FRMD4B: variants seen among roughly 807,000 people sequenced by gnomAD.
FRMD4B encodes FERM domain-containing protein 4B.
Under a neutral mutation model 141.5 loss-of-function variants are expected in FRMD4B, and 74 were observed. The observed-to-expected ratio is 0.52, with a 90% confidence interval of 0.43 to 0.63. The LOEUF (loss-of-function observed/expected upper bound fraction) is 0.63. FRMD4B is among the 30% of genes least tolerant of loss of function. FRMD4B has a pLI of 0.00. For synonymous variants in FRMD4B, 506 were observed against 467.9 expected (o/e 1.08, Z -1.05); for missense variants, 1,366 against 1,253.4 (o/e 1.09, Z -1.36).
intron 11 of FRMD4B, among the ~76,000 whole-genome samples, 187 bp downstream of exon 11, chr3:69,216,076 C>T (rs576102118): frequency 4.9e-4 from 74 of 152,216 alleles, no homozygotes; most frequent in African/African-American, 1.8e-3. Flanking sequence ...CTCGCTTGAA[C>T]CCAGGAGGTG....
At chr3:69,496,427 G>A (rs577896499) in intron 1 of FRMD4B, among the ~76,000 whole-genome samples, 53 of 152,194 alleles carry the variant, frequency 3.5e-4, no homozygotes, top group African/African-American at 8.7e-4. Context: ...AAAGATGGGC[G>A]AGTGACCCAA....
rs1415329594 is a variant in FRMD4B, at chr3:69,302,434, C to T, written c.325G>A (p.Gly109Ser). The T allele has an allele frequency of 1.3e-5, 20 of 1,571,430 alleles. No homozygotes were observed. Among genetic ancestry groups the T allele is most frequent in the Non-Finnish European group, 1.7e-5 (19 of 1,145,810 alleles). Reference sequence around the variant, plus strand: ...TCTAACTGCAGCCAGTTCTGCTGACCTCTGTGAGAGCAAAGCAAAGAAAAA... The same window carrying T: ...TCTAACTGCAGCCAGTTCTGCTGACTTCTGTGAGAGCAAAGCAAAGAAAAA... ...YFGITFIDDT[G>S]QQNWLQLDHR... The change falls in exon 4 of 23, where the codon GGT (glycine) becomes AGT (serine). Residue 109 changes from glycine (G) to serine (S), a missense_variant and splice_region_variant. Gly to Ser is a moderately conservative substitution (Grantham distance 56). Coordinates refer to ENST00000398540, the MANE Select transcript of FRMD4B (RefSeq NM_015123.3).
intron 1 of FRMD4B, among the ~76,000 whole-genome samples, chr3:69,360,249 T>C (rs1246232742): frequency 6.6e-6 from 1 of 152,220 alleles, no homozygotes; most frequent in African/African-American, 2.4e-5. Context: ...CTGGCTAATA[T>C]TGTTTCATTT....
chr3:69,402,318 C>T (rs1157679403), intron 2 of FRMD4B, among the ~76,000 whole-genome samples: 1 of 152,208 alleles, frequency 6.6e-6, no homozygotes, highest in Non-Finnish European at 1.5e-5. Flanking sequence ...GAAGCCAATA[C>T]AGAGAGCTGA....
At position 69,328,215 on chromosome 3, in the gene FRMD4B, A is replaced by G. The variant is rs563024134; in HGVS notation, c.163-14698T>C. On this transcript the variant is annotated intron_variant, in intron 1 of 22. Transcript: ENST00000398540. The stretch of plus-strand genomic sequence containing the variant: ...CTTACAATGAAATAAATCGCATTAA[A>G]AGCAAAGGTAATAAAACTCTTCACT... Among the ~76,000 whole-genome samples the G allele has an allele frequency of 3.9e-5, 6 of 152,302 alleles. No individual in the cohort carries two copies. In the East Asian group the frequency reaches 1.2e-3, roughly 29 times the overall value.
At chr3:69,520,206 A>AAT (rs751007748) in intron 1 of FRMD4B, among the ~76,000 whole-genome samples, 3 of 78,340 alleles carry the variant, frequency 3.8e-5, no homozygotes, top group Admixed American at 1.2e-4. Context: ...TATATGATGG[A>AAT]ATATATATAT....
chr3:69,193,596 C>T, intron 17 of FRMD4B, 52 bp downstream of exon 17: 2 of 952,578 alleles, frequency 2.1e-6, no homozygotes, highest in East Asian at 2.4e-5. Flanking sequence ...TGCTATATAC[C>T]ATGAAGTACT....
At chr3:69,242,994 C>CAAA (rs34623002) in intron 7 of FRMD4B, among the ~76,000 whole-genome samples, 10 of 111,692 alleles carry the variant, frequency 9.0e-5, no homozygotes, top group Non-Finnish European at 1.2e-4. Context: ...AACTCTGTCT[C>CAAA]AAAAAAAAAA....
Position 69,171,681 on chromosome 3 carries a change from T to C in FRMD4B, c.*180A>G. 1 of 613,496 alleles carries C rather than the reference T, an allele frequency of 1.6e-6. No homozygotes were observed. Among genetic ancestry groups the C allele is most frequent in the Non-Finnish European group, 2.9e-6 (1 of 349,986 alleles). The allele number at this position is 613,496 out of a possible 1,614,324, so 38.0% of individuals were successfully genotyped here. Reference sequence around the variant, plus strand: ...GAGTTTGAAAGGCCAAATCCTCCTTTAGGGGCTTTGTGGGGCTTGGTGTGT... The same window carrying C: ...GAGTTTGAAAGGCCAAATCCTCCTTCAGGGGCTTTGTGGGGCTTGGTGTGT... On this transcript the variant is annotated 3_prime_UTR_variant, in exon 23 of 23. Coordinates refer to ENST00000398540, the MANE Select transcript of FRMD4B (RefSeq NM_015123.3).
chr3:69,287,749 T>C lies in FRMD4B; in HGVS notation c.501+3A>G. The C allele has an allele frequency of 1.3e-6, 2 of 1,547,224 alleles. No individual in the cohort carries two copies. The highest frequency in any genetic ancestry group is 1.8e-6 in the Non-Finnish European group (2 of 1,120,642). On this transcript the variant is annotated splice_donor_region_variant and intron_variant, in intron 5 of 22. Transcript: ENST00000398540. ...CAGTGAACATGACAAACGGGGCACCTACCTTGTGCACACAGGCCTTTGCAT... is the reference window on the plus strand; with the variant it reads ...CAGTGAACATGACAAACGGGGCACCCACCTTGTGCACACAGGCCTTTGCAT...
chr3:69,187,941 G>A, intron 18 of FRMD4B, 24 bp from the exon 19 acceptor site: 2 of 1,377,398 alleles, frequency 1.5e-6, no homozygotes, highest in African/African-American at 1.5e-5. Context: ...ATGGGTGAAT[G>A]AAAAAATAAG....
intron 9 of FRMD4B, among the ~76,000 whole-genome samples, chr3:69,219,904 AG>A (rs2107740594): frequency 6.6e-6 from 1 of 152,316 alleles, no homozygotes; most frequent in South Asian, 2.1e-4. Context: ...TAGTTTGCTG[AG>A]GATAATGGCT....
At chr3:69,230,472 G>A (rs750692605) in intron 7 of FRMD4B, among the ~76,000 whole-genome samples, 2 of 152,020 alleles carry the variant, frequency 1.3e-5, no homozygotes, top group African/African-American at 2.4e-5. Context: ...AGGACCAGGC[G>A]TGGTGGCTCA....
In FRMD4B at chr3:69,302,351, A is replaced by G. The variant is rs1471138505; in HGVS notation, c.408T>C (p.Phe136=). Residue 136 remains phenylalanine, a synonymous_variant, in exon 4 of 23, where the codon TTT becomes TTC. Coordinates refer to ENST00000398540, the MANE Select transcript of FRMD4B (RefSeq NM_015123.3). ...GGTCTGTGGATACATACCTCACAGCAAAGTGCAAAATGGTTGGGCCTGGTT... is the reference window on the plus strand; with the variant it reads ...GGTCTGTGGATACATACCTCACAGCGAAGTGCAAAATGGTTGGGCCTGGTT... The part of the protein sequence containing the change: ...PKKPGPTILH[F]AVRFYIESIS... The G allele has an allele frequency of 6.3e-7, 1 of 1,590,250 alleles. No individual in the cohort carries two copies. Among genetic ancestry groups the G allele is most frequent in the Non-Finnish European group, 8.6e-7 (1 of 1,160,104 alleles).
chr3:69,370,626 AAC>A (rs1703798394), intron 1 of FRMD4B, among the ~76,000 whole-genome samples: 2 of 152,274 alleles, frequency 1.3e-5, no homozygotes, highest in Admixed American at 1.3e-4. Context: ...AATGTATTTC[AAC>A]ATACATGGCT....
chr3:69,351,572 A>G (rs1703151854), intron 1 of FRMD4B, among the ~76,000 whole-genome samples: 1 of 152,212 alleles, frequency 6.6e-6, no homozygotes, highest in African/African-American at 2.4e-5. Context: ...GCAGAATCTC[A>G]TTTGGATGCA....
At chr3:69,454,162 T>G (rs1480085343) in intron 1 of FRMD4B, among the ~76,000 whole-genome samples, 3 of 152,218 alleles carry the variant, frequency 2.0e-5, no homozygotes. Context: ...CTGAGTGGGC[T>G]GTAATTTCTG....
chr3:69,211,023 G>GAAA lies in FRMD4B; in HGVS notation c.876+5237_876+5239dup, dbSNP rs541259572. 2.4e-3 allele frequency among the ~76,000 whole-genome samples: 204 copies of GAAA among 85,838 alleles called. 8 individuals are homozygous for GAAA. Among genetic ancestry groups the GAAA allele is most frequent in the African/African-American group, 8.2e-3 (178 of 21,812 alleles). 56.3% of individuals were successfully genotyped at this position (85,838 alleles called of 152,430 possible). The stretch of plus-strand genomic sequence containing the variant: ...ACAAGAGTGAGTGAAATGCCATCTC[G>GAAA]AAAAAAAAAAAAAAAAAGAAAGAAA... On this transcript the variant is annotated intron_variant, in intron 11 of 22. Transcript: ENST00000398540.
intron 19 of FRMD4B, among the ~76,000 whole-genome samples, chr3:69,185,904 T>C (rs1208038446): frequency 6.6e-6 from 1 of 151,880 alleles, no homozygotes; most frequent in African/African-American, 2.4e-5. Flanking sequence ...TTGCCGGGTG[T>C]GGTGGCGGGC....
Sources: gnomAD v4.1 joint callset for allele counts (sites outside exome capture counted in the v4.1 genomes callset) on GRCh38, gnomAD v4.1.1 for gene constraint, MANE v1.5 for transcripts, NCBI Gene and HGNC (gene_info 2026-07-23, HGNC 2026-07-21) for gene names.